Variants in SOD2 observed in about 807,000 individuals in gnomAD.
SOD2 encodes superoxide dismutase 2.
Under a neutral mutation model 27.0 loss-of-function variants are expected in SOD2, and 11 were observed. The observed-to-expected ratio is 0.41, with a 90% CI of 0.26 to 0.67. SOD2 has a LOEUF of 0.67. Among genes scored for constraint, SOD2 ranks in the 30% least tolerant of loss-of-function variants. The probability of loss-of-function intolerance (pLI) is 0.34; values close to 1 mark genes in which losing one functional copy is unlikely to be tolerated. For synonymous variants in SOD2, 105 were observed against 103.0 expected (o/e 1.02, Z -0.12); for missense variants, 250 against 274.5 (o/e 0.91, Z 0.63).
At chr6:159,686,509 A>T (rs1780192638) in intron 3 of SOD2, among the ~76,000 whole-genome samples, 1 of 152,104 alleles carries the variant, frequency 6.6e-6, no homozygotes, top group South Asian at 2.1e-4. Context: ...TTAGCCGGGC[A>T]TGGTGGCAGG....
rs1005185774 is a variant in SOD2 at position 159,672,156 on chromosome 6, G to A, written c.*10337C>T. The A allele has an allele frequency of 1.3e-5, 2 of 152,182 alleles. No homozygotes were observed. The highest frequency in any genetic ancestry group is 2.9e-5 in the Non-Finnish European group (2 of 68,038). 9.4% of individuals were successfully genotyped at this position (152,182 alleles called of 1,614,324 possible). Reference sequence around the variant, plus strand: ...GTGACGGGGAGAATGGAACCAAGCTGGAAAACACTCTGCAGGATATTATCC... The same window carrying A: ...GTGACGGGGAGAATGGAACCAAGCTAGAAAACACTCTGCAGGATATTATCC... On this transcript the variant is annotated 3_prime_UTR_variant, in exon 5 of 5. Transcript: ENST00000538183.
chr6:159,745,379 T>G (rs759013975), upstream of SOD2, among the ~76,000 whole-genome samples: 8 of 152,144 alleles, frequency 5.3e-5, no homozygotes, highest in Non-Finnish European at 1.0e-4. Flanking sequence ...ATCACTCTTG[T>G]CTCCTCGACC....
intron 1 of SOD2, among the ~76,000 whole-genome samples, chr6:159,756,656 C>T (rs1780017972): frequency 7.6e-6 from 1 of 131,596 alleles, no homozygotes; most frequent in Non-Finnish European, 1.5e-5. Context: ...GGCTCAAGTG[C>T]AGTGGTGCAG....
intron 1 of SOD2, chr6:159,736,462 A>G (rs1778923965): frequency 9.2e-6 from 5 of 544,658 alleles, no homozygotes; most frequent in East Asian, 2.9e-5. Flanking sequence ...TGTGCCAGAT[A>G]TTGTATCTTA....
intron 1 of SOD2, chr6:159,755,770 T>G: frequency 1.0e-5 from 9 of 866,280 alleles, no homozygotes; most frequent in African/African-American, 6.4e-5. Flanking sequence ...CTTTTCTTTT[T>G]TTTTTTTTTT....
intron 1 of SOD2, among the ~76,000 whole-genome samples, chr6:159,757,437 G>C (rs1017863978): frequency 6.9e-6 from 1 of 144,728 alleles, no homozygotes; most frequent in Non-Finnish European, 1.5e-5. Context: ...TTTTTGCCGA[G>C]AGTCTCGCTC....
intron 1 of SOD2, among the ~76,000 whole-genome samples, chr6:159,698,725 G>A (rs1451340820): frequency 6.6e-6 from 1 of 151,222 alleles, no homozygotes; most frequent in African/African-American, 2.4e-5. Flanking sequence ...GTACATCACA[G>A]AGAAGACAAT....
intron 1 of SOD2, among the ~76,000 whole-genome samples, chr6:159,744,199 T>G (rs1779426884): frequency 6.6e-6 from 1 of 152,202 alleles, no homozygotes; most frequent in South Asian, 2.1e-4. Flanking sequence ...TTTTTCCTAG[T>G]GTCAGCAACC....
At chr6:159,753,154 C>T (rs941512574) in intron 1 of SOD2, among the ~76,000 whole-genome samples, 7 of 152,094 alleles carry the variant, frequency 4.6e-5, no homozygotes, top group Admixed American at 4.6e-4. Context: ...TTAACTGGCT[C>T]TGTTTCCATT....
chr6:159,685,218 A>ATTTTTTTTTT (rs1780130033), intron 3 of SOD2, among the ~76,000 whole-genome samples, 185 bp from the exon 4 acceptor site: 1 of 62,878 alleles, frequency 1.6e-5, no homozygotes, highest in African/African-American at 5.7e-5. Context: ...TATAACTTCA[A>ATTTTTTTTTT]CTTTTTTTTT....
At chr6:159,709,624 C>G (rs1279360378) in intron 1 of SOD2, among the ~76,000 whole-genome samples, 1 of 152,106 alleles carries the variant, frequency 6.6e-6, no homozygotes, top group Non-Finnish European at 1.5e-5. Context: ...ACAACAGGTG[C>G]TGGAGAGGAT....
chr6:159,685,012 T>A lies in SOD2; in HGVS notation c.365A>T (p.Lys122Ile), dbSNP rs756111347. 9 of 1,606,386 alleles carry A rather than the reference T, an allele frequency of 5.6e-6. No homozygotes were observed. The highest frequency in any genetic ancestry group is 7.6e-6 in the Non-Finnish European group (9 of 1,176,984). ...CTTGTCAAAGGAACCAAAGTCACGT[T>A]TGATGGCTTCCAGCAACTCCCCTAT... ...EPKGELLEAI[K>I]RDFGSFDKFK... Residue 122 changes from lysine to isoleucine, a missense_variant, in exon 4 of 5, where the codon AAA (lysine) becomes ATA (isoleucine). Coordinates refer to ENST00000538183, the MANE Select transcript of SOD2 (RefSeq NM_000636.4).
rs555086650 is a variant in SOD2, at chr6:159,676,297, C to T, written c.*6196G>A. ...ATGCTGCTATAAAGACACATGCACA[C>T]GTATATTTATTGTGGCACTGTTCAC... On this transcript the variant is annotated 3_prime_UTR_variant, in exon 5 of 5. Transcript: ENST00000538183. The T allele has an allele frequency of 5.9e-5, 9 of 152,230 alleles. No homozygotes were observed. Among genetic ancestry groups the T allele is most frequent in the South Asian group, 4.1e-4 (2 of 4,830 alleles). The allele number at this position is 152,230 out of a possible 1,614,324, so 9.4% of individuals were successfully genotyped here.
intron 1 of SOD2, among the ~76,000 whole-genome samples, chr6:159,710,867 A>AC (rs1458418497): frequency 7.4e-5 from 11 of 148,278 alleles, no homozygotes; most frequent in South Asian, 4.4e-4. Context: ...ACCACCACTC[A>AC]GCTGCTCTGA....
chr6:159,714,916 G>A (rs1777898154), intron 1 of SOD2, among the ~76,000 whole-genome samples: 1 of 152,038 alleles, frequency 6.6e-6, no homozygotes, highest in Non-Finnish European at 1.5e-5. Flanking sequence ...CAGATTGCTG[G>A]CTTCTGGGAT....
chr6:159,695,725 G>A (rs1777411253), upstream of SOD2, among the ~76,000 whole-genome samples: 1 of 151,950 alleles, frequency 6.6e-6, no homozygotes, highest in African/African-American at 2.4e-5. Context: ...CAAACTCCTT[G>A]GCTCAAGTGA....
chr6:159,760,675 G>C (rs1185109292), intron 1 of SOD2: 1 of 152,256 alleles, frequency 6.6e-6, no homozygotes, highest in East Asian at 1.9e-4. Flanking sequence ...GATTGATGCC[G>C]TAGGAATGAC....
chr6:159,696,504 G>C (rs920430258), upstream of SOD2, among the ~76,000 whole-genome samples: 1 of 152,030 alleles, frequency 6.6e-6, no homozygotes, highest in Middle Eastern at 3.2e-3. Flanking sequence ...ATTTTTAGTG[G>C]AGATGGGGTT....
intron 1 of SOD2, chr6:159,736,334 G>A: frequency 6.7e-7 from 1 of 1,500,656 alleles, no homozygotes; most frequent in Non-Finnish European, 9.2e-7. Flanking sequence ...TTTTGTTTTG[G>A]GTTTTTTGGG....
Sources: gnomAD v4.1 joint callset for allele counts (sites outside exome capture counted in the v4.1 genomes callset) on GRCh38, gnomAD v4.1.1 for gene constraint, MANE v1.5 for transcripts, NCBI Gene and HGNC (gene_info 2026-07-23, HGNC 2026-07-21) for gene names.